The following FCHSD2 variants were observed in gnomAD, a reference collection of about 807,000 sequenced individuals.
FCHSD2 encodes F-BAR and double SH3 domains protein 2.
In FCHSD2, 38 loss-of-function variants were observed where a neutral mutation model predicts 108.1. The observed-to-expected ratio is 0.35, with a 90% CI of 0.27 to 0.46. The LOEUF is 0.46. Ranked by LOEUF, FCHSD2 falls within the 20% of genes least tolerant of loss-of-function variation. The pLI, the probability that FCHSD2 is intolerant of heterozygous loss-of-function variation, is 1.00. For missense variants in FCHSD2, 751 were observed against 897.8 expected, an observed-to-expected ratio of 0.84 and a Z score of 2.09; for synonymous variants, 279 against 314.7, an observed-to-expected ratio of 0.89 and a Z score of 1.20.
At chr11:73,041,299 T>G (rs866246409) in intron 3 of FCHSD2, among the ~76,000 whole-genome samples, 4 of 152,302 alleles carry the variant, frequency 2.6e-5, no homozygotes, top group Middle Eastern at 3.4e-3. Flanking sequence ...TTTGAGAAAC[T>G]TCCATACTGT....
At chr11:72,951,349 TA>T (rs1442819925) in intron 8 of FCHSD2, among the ~76,000 whole-genome samples, 6 of 152,200 alleles carry the variant, frequency 3.9e-5, no homozygotes, top group African/African-American at 1.4e-4. Context: ...GGGAAGCTGG[TA>T]AACCTTGTTA....
In FCHSD2 at chr11:72,902,029, C is replaced by G. The variant is rs1004771228; in HGVS notation, c.924+514G>C. On this transcript the variant is annotated intron_variant, in intron 10 of 19. Transcript: ENST00000409418. Reference sequence around the variant, plus strand: ...AGCTGGGATTACAGGGGCCCACGACCAAGCCCAGCTAATTTTTGTATTTTT... The same window carrying G: ...AGCTGGGATTACAGGGGCCCACGACGAAGCCCAGCTAATTTTTGTATTTTT... 3.3e-5 allele frequency among the ~76,000 whole-genome samples: 5 copies of G among 152,098 alleles called. No homozygotes were observed. In the East Asian group the frequency reaches 9.7e-4, roughly 29 times the overall value.
intron 4 of FCHSD2, among the ~76,000 whole-genome samples, chr11:73,011,376 C>T (rs924807353): frequency 6.6e-6 from 1 of 152,092 alleles, no homozygotes; most frequent in Non-Finnish European, 1.5e-5. Flanking sequence ...GGAACATGTG[C>T]ACCACCTAGG....
At chr11:73,093,918 A>G (rs1404629109) in intron 2 of FCHSD2, among the ~76,000 whole-genome samples, 1 of 150,442 alleles carries the variant, frequency 6.6e-6, no homozygotes, top group African/African-American at 2.4e-5. Context: ...GAATGTTAAG[A>G]ATAAAGATAG....
intron 3 of FCHSD2, among the ~76,000 whole-genome samples, chr11:73,028,797 C>G (rs929180983): frequency 2.6e-5 from 4 of 152,126 alleles, no homozygotes; most frequent in African/African-American, 9.7e-5. Flanking sequence ...ATAGTGAGTT[C>G]TCATGAGAGC....
At chr11:73,108,154 G>A (rs1156379164) in intron 2 of FCHSD2, among the ~76,000 whole-genome samples, 1 of 152,170 alleles carries the variant, frequency 6.6e-6, no homozygotes, top group Admixed American at 6.5e-5. Flanking sequence ...GCATTTCTCT[G>A]ATGATCAATG....
chr11:72,940,105 C>T (rs1856385183), intron 8 of FCHSD2, among the ~76,000 whole-genome samples: 1 of 152,210 alleles, frequency 6.6e-6, no homozygotes, highest in Non-Finnish European at 1.5e-5. Context: ...AGGTGACTCT[C>T]AGGTCTAATT....
Position 72,841,435 on chromosome 11 carries a change from T to C in FCHSD2, c.2056+19A>G, listed in dbSNP as rs777604074. On this transcript the variant is annotated intron_variant, in intron 18 of 19. Coordinates refer to ENST00000409418, the MANE Select transcript of FCHSD2 (RefSeq NM_014824.3). ...TGAAGTGAAAATGCATTTAGACCCATGCCCAGGAGAACCCTTACCGTTTGC... is the reference window on the plus strand; with the variant it reads ...TGAAGTGAAAATGCATTTAGACCCACGCCCAGGAGAACCCTTACCGTTTGC... 9.4e-6 allele frequency: 15 copies of C among 1,602,382 alleles called. No individual in the cohort carries two copies. In the South Asian group the frequency reaches 1.6e-4, roughly 17 times the overall value.
intron 17 of FCHSD2, 132 bp downstream of exon 17, chr11:72,842,489 G>A: frequency 9.6e-7 from 1 of 1,045,772 alleles, no homozygotes; most frequent in Non-Finnish European, 1.4e-6. Flanking sequence ...ATGCAGTTGT[G>A]CAGACACTGG....
chr11:72,902,102 T>C (rs1254189474), intron 10 of FCHSD2, among the ~76,000 whole-genome samples: 1 of 152,154 alleles, frequency 6.6e-6, no homozygotes. Context: ...CTTGAACTCC[T>C]GACCTCAGGT....
rs527429814 is a variant in FCHSD2, at chr11:72,877,509, C to A, written c.1147-9483G>T. Among the ~76,000 whole-genome samples the A allele has an allele frequency of 4.0e-5, 6 of 151,898 alleles. No homozygotes were observed. The South Asian group carries it at 1.2e-3, about 32-fold the overall frequency. ...ATAATTTTTGTTTTAATATTTTTAC[C>A]CCAGATTAATATTGTCATCTAAAAT... is the stretch of plus-strand genomic sequence containing the variant. On this transcript the variant is annotated intron_variant, in intron 12 of 19. Transcript: ENST00000409418.
At chr11:72,998,300 G>T (rs1270679484) in intron 5 of FCHSD2, among the ~76,000 whole-genome samples, 1 of 152,158 alleles carries the variant, frequency 6.6e-6, no homozygotes, top group Non-Finnish European at 1.5e-5. Flanking sequence ...CGCACTTTTG[G>T]AGGCTGAGGC....
At chr11:72,994,046 T>C (rs911700318) in intron 5 of FCHSD2, among the ~76,000 whole-genome samples, 1 of 152,170 alleles carries the variant, frequency 6.6e-6, no homozygotes, top group Non-Finnish European at 1.5e-5. Flanking sequence ...TTAGTCTCCT[T>C]TAGGGGCTAA....
chr11:72,945,237 T>C (rs1856496366), intron 8 of FCHSD2, among the ~76,000 whole-genome samples: 1 of 151,996 alleles, frequency 6.6e-6, no homozygotes, highest in Non-Finnish European at 1.5e-5. Context: ...CCCTCAGAAA[T>C]AATGCCGCAT....
chr11:73,028,294 G>A (rs533542578), intron 3 of FCHSD2, among the ~76,000 whole-genome samples: 125 of 152,318 alleles, frequency 8.2e-4, no homozygotes, highest in Non-Finnish European at 1.4e-3. Flanking sequence ...TTGCAACAGC[G>A]TGCCCTGGAT....
rs116884791 is a variant in FCHSD2 at position 72,839,858 on chromosome 11, C to T, written c.2140-984G>A. Among the ~76,000 whole-genome samples the T allele has an allele frequency of 8.5e-5, 13 of 152,226 alleles. No homozygotes were observed. The East Asian group carries it at 9.6e-4, about 11-fold the overall frequency. On this transcript the variant is annotated intron_variant, in intron 19 of 19. Transcript: ENST00000409418. ...AGCTGTGGAAGTAGATGAGGTCATT[C>T]GGCAAGAGTGCGTTCAACAACTTCA...
At chr11:72,855,916 C>T (rs186315057) in intron 13 of FCHSD2, among the ~76,000 whole-genome samples, 45 of 152,258 alleles carry the variant, frequency 3.0e-4, no homozygotes, top group Non-Finnish European at 5.6e-4. Context: ...AGAATATGCA[C>T]GTTTTACTTT....
chr11:72,998,674 G>C (rs192707079), intron 5 of FCHSD2, among the ~76,000 whole-genome samples: 128 of 152,236 alleles, frequency 8.4e-4, no homozygotes, highest in African/African-American at 3.0e-3. Context: ...TAAAAAGTAA[G>C]AAGCTAATAG....
At chr11:73,021,517 T>C (rs1166260822) in intron 3 of FCHSD2, among the ~76,000 whole-genome samples, 1 of 151,992 alleles carries the variant, frequency 6.6e-6, no homozygotes, top group Non-Finnish European at 1.5e-5. Context: ...TGAGAACACA[T>C]GAACACATAG....
Sources: gnomAD v4.1 joint callset for allele counts (sites outside exome capture counted in the v4.1 genomes callset) on GRCh38, gnomAD v4.1.1 for gene constraint, MANE v1.5 for transcripts, NCBI Gene and HGNC (gene_info 2026-07-23, HGNC 2026-07-21) for gene names.